Variants in RANBP2 observed in about 807,000 individuals in gnomAD.
RANBP2 encodes the protein RAN binding protein 2, also known as E3 SUMO-protein ligase RanBP2.
A neutral mutation model predicts 303.6 loss-of-function variants in RANBP2; 57 were observed. The ratio of observed to expected loss-of-function variants is 0.19; its 90% CI spans 0.15 to 0.23. The LOEUF is 0.23. Ranked by LOEUF, RANBP2 falls within the 10% of genes least tolerant of loss-of-function variation. The probability of loss-of-function intolerance (pLI) is 1.00; values close to 1 mark genes in which losing one functional copy is unlikely to be tolerated. For missense variants in RANBP2, 3,138 were observed against 3,780.8 expected (o/e 0.83, Z 4.46); for synonymous variants, 1,167 against 1,301.5 (o/e 0.90, Z 2.23).
the RANBP2 span, among the ~76,000 whole-genome samples, chr2:109,344,683 G>T: frequency 6.6e-6 from 1 of 152,218 alleles, no homozygotes; most frequent in South Asian, 2.1e-4. Context: ...GTGGGAGGGT[G>T]CACAGCCCTC....
the RANBP2 span, among the ~76,000 whole-genome samples, chr2:109,373,944 C>T: frequency 2.6e-5 from 4 of 151,884 alleles, no homozygotes; most frequent in African/African-American, 9.7e-5. Context: ...CCCAGTCCAG[C>T]AGGCTCTCTG....
chr2:109,091,470 G>A, the RANBP2 span, among the ~76,000 whole-genome samples: 1 of 152,166 alleles, frequency 6.6e-6, no homozygotes, highest in African/African-American at 2.4e-5. Flanking sequence ...ACTGATCTGA[G>A]TAATAATAAA....
the RANBP2 span, among the ~76,000 whole-genome samples, chr2:109,633,332 G>C: frequency 4.6e-5 from 7 of 152,174 alleles, no homozygotes; most frequent in Non-Finnish European, 8.8e-5. Context: ...GGTGGAGGTT[G>C]CAGTGAGCTG....
the RANBP2 span, among the ~76,000 whole-genome samples, chr2:109,461,831 C>T: frequency 6.6e-6 from 1 of 152,164 alleles, no homozygotes; most frequent in African/African-American, 2.4e-5. Context: ...TGTTCTAGGT[C>T]CTACTCAAAA....
the RANBP2 span, among the ~76,000 whole-genome samples, chr2:109,534,199 C>T: frequency 3.3e-5 from 5 of 152,214 alleles, no homozygotes; most frequent in East Asian, 1.9e-4. Flanking sequence ...AACACCTACA[C>T]TGTTTCCTCA....
the RANBP2 span, among the ~76,000 whole-genome samples, chr2:109,558,586 A>C: frequency 6.6e-6 from 1 of 152,230 alleles, no homozygotes; most frequent in Non-Finnish European, 1.5e-5. Context: ...TCAGTTAATT[A>C]AACTATGACT....
chr2:109,129,491 C>T, the RANBP2 span: 870 of 1,494,492 alleles, frequency 5.8e-4, no homozygotes, highest in Non-Finnish European at 6.8e-4. Flanking sequence ...GGCTCCACGC[C>T]GGCCCCGGGA....
the RANBP2 span, among the ~76,000 whole-genome samples, chr2:109,009,870 C>T: frequency 7.2e-5 from 11 of 152,178 alleles, no homozygotes; most frequent in South Asian, 2.1e-4. Flanking sequence ...TTCGTCTCTG[C>T]GCTGTTTGGT....
chr2:109,778,433 C>A, the RANBP2 span, among the ~76,000 whole-genome samples: 1 of 149,752 alleles, frequency 6.7e-6, no homozygotes, highest in African/African-American at 2.5e-5. Context: ...TAAATCTTAG[C>A]TTTTCTATTA....
chr2:108,875,335 A>C, the RANBP2 span, among the ~76,000 whole-genome samples: 493 of 124,688 alleles, frequency 4.0e-3, 4 homozygotes, highest in African/African-American at 0.012. Context: ...AAAAAAAAAA[A>C]AGAAACAAAT....
At chr2:108,865,843 C>T in the RANBP2 span, among the ~76,000 whole-genome samples, 1 of 152,184 alleles carries the variant, frequency 6.6e-6, no homozygotes, top group African/African-American at 2.4e-5. Context: ...TAGTGATCAA[C>T]ACCCCAAATT....
chr2:109,566,004 G>T, the RANBP2 span: 1 of 713,716 alleles, frequency 1.4e-6, no homozygotes, highest in East Asian at 2.7e-5. Flanking sequence ...TTTAAAACCT[G>T]CCAGTGAATA....
At chr2:108,990,448 A>AAT in the RANBP2 span, among the ~76,000 whole-genome samples, 1 of 150,922 alleles carries the variant, frequency 6.6e-6, no homozygotes, top group African/African-American at 2.4e-5. Flanking sequence ...AAAAAAAAAA[A>AAT]AAAAAAAAAA....
chr2:109,275,930 A>G, the RANBP2 span, among the ~76,000 whole-genome samples: 2 of 152,190 alleles, frequency 1.3e-5, no homozygotes, highest in African/African-American at 2.4e-5. Context: ...TTATTTGGCT[A>G]TGACCATGGA....
chr2:109,729,034 T>C, the RANBP2 span, among the ~76,000 whole-genome samples: 129 of 152,278 alleles, frequency 8.5e-4, no homozygotes, highest in South Asian at 5.2e-3. Context: ...CAGCTGTTAC[T>C]AGCCTTTTTG....
chr2:109,347,400 C>T, the RANBP2 span, among the ~76,000 whole-genome samples: 4 of 152,048 alleles, frequency 2.6e-5, no homozygotes, highest in Non-Finnish European at 5.9e-5. Context: ...GTCCTTTTTG[C>T]ACAGAATGAG....
At chr2:109,002,098 T>C in the RANBP2 span, among the ~76,000 whole-genome samples, 6 of 152,290 alleles carry the variant, frequency 3.9e-5, no homozygotes, top group East Asian at 1.2e-3. Context: ...TGGCTGCCAT[T>C]TGCTGCCCCT....
chr2:109,390,585 G>T, the RANBP2 span, among the ~76,000 whole-genome samples: 6 of 152,212 alleles, frequency 3.9e-5, no homozygotes, highest in South Asian at 2.1e-4. Flanking sequence ...GTGAGGACTA[G>T]GGTGGGATCC....
the RANBP2 span, among the ~76,000 whole-genome samples, chr2:109,072,692 C>T: frequency 6.6e-6 from 1 of 152,158 alleles, no homozygotes; most frequent in Non-Finnish European, 1.5e-5. Context: ...CCACAGCTCC[C>T]CTTCCCAGCT....
Sources: gnomAD v4.1 joint callset for allele counts (sites outside exome capture counted in the v4.1 genomes callset) on GRCh38, gnomAD v4.1.1 for gene constraint, MANE v1.5 for transcripts, NCBI Gene and HGNC (gene_info 2026-07-23, HGNC 2026-07-21) for gene names.